The following DNAAF11 variants were observed in gnomAD, a reference collection of about 807,000 sequenced individuals.
DNAAF11 encodes leucine rich repeat containing 6.
A neutral mutation model predicts 60.8 loss-of-function variants in DNAAF11; 45 were observed. The ratio of observed to expected loss-of-function variants is 0.74; its 90% CI spans 0.58 to 0.95. The LOEUF (loss-of-function observed/expected upper bound fraction) is 0.95, where lower values mean the gene tolerates loss of function less well. DNAAF11 is among the 40% of genes least tolerant of loss of function. The pLI is 0.00. For missense variants in DNAAF11, 546 were observed against 546.2 expected (o/e 1.00, Z 0.00); for synonymous variants, 191 against 183.5 (o/e 1.04, Z -0.33).
intron 3 of DNAAF11, among the ~76,000 whole-genome samples, chr8:132,653,658 G>A (rs1823247099): frequency 6.6e-6 from 1 of 152,042 alleles, no homozygotes; most frequent in Non-Finnish European, 1.5e-5. Context: ...AACTATACAG[G>A]AGCAAAGTCT....
the DNAAF11 span, among the ~76,000 whole-genome samples, chr8:132,682,994 A>G: frequency 6.6e-6 from 1 of 152,194 alleles, no homozygotes. Context: ...ATCTGCTCCC[A>G]TAACTCAAAC....
intron 6 of DNAAF11, 150 bp from the exon 7 acceptor site, chr8:132,622,838 A>G: frequency 1.6e-6 from 1 of 611,352 alleles, no homozygotes; most frequent in Non-Finnish European, 2.9e-6. Context: ...CTTGTTCTTA[A>G]GTCCATTCCT....
intron 10 of DNAAF11, among the ~76,000 whole-genome samples, chr8:132,586,639 A>C (rs1212968647): frequency 6.6e-6 from 1 of 152,128 alleles, no homozygotes. Flanking sequence ...ACTCTCATGT[A>C]AGTGTGAGAA....
chr8:132,576,955 C>T (rs1418932474), intron 11 of DNAAF11, among the ~76,000 whole-genome samples: 1 of 152,096 alleles, frequency 6.6e-6, no homozygotes, highest in East Asian at 1.9e-4. Context: ...ACTGATATTT[C>T]GTTTATTATG....
the DNAAF11 span, among the ~76,000 whole-genome samples, chr8:132,697,929 T>A: frequency 6.6e-6 from 1 of 152,150 alleles, no homozygotes; most frequent in African/African-American, 2.4e-5. Flanking sequence ...GGGCCAGTGA[T>A]ACAATAAGAA....
the DNAAF11 span, among the ~76,000 whole-genome samples, chr8:132,697,757 A>G: frequency 5.9e-5 from 9 of 152,166 alleles, no homozygotes; most frequent in Non-Finnish European, 1.2e-4. Context: ...GAGAGATGCT[A>G]AAGTCTTCAA....
chr8:132,661,706 GT>G (rs752683783), intron 1 of DNAAF11, 79 bp from the exon 2 acceptor site: 37 of 1,453,732 alleles, frequency 2.5e-5, no homozygotes, highest in South Asian at 4.6e-5. Flanking sequence ...ACGCATTTGT[GT>G]TTTTTTTGTT....
chr8:132,598,552 A>C (rs1159945635), intron 10 of DNAAF11, among the ~76,000 whole-genome samples: 1 of 152,134 alleles, frequency 6.6e-6, no homozygotes, highest in African/African-American at 2.4e-5. Flanking sequence ...AGCCAATTTT[A>C]TTTTTCTATT....
chr8:132,661,850 G>A (rs371469218), intron 1 of DNAAF11, among the ~76,000 whole-genome samples: 9 of 152,280 alleles, frequency 5.9e-5, no homozygotes, highest in African/African-American at 1.9e-4. Context: ...TGATGATATT[G>A]TATTTGCCTT....
chr8:132,694,097 C>G, the DNAAF11 span, among the ~76,000 whole-genome samples: 1 of 152,138 alleles, frequency 6.6e-6, no homozygotes. Flanking sequence ...GTAAATTAAA[C>G]AAGAGGGGAT....
upstream of DNAAF11, among the ~76,000 whole-genome samples, chr8:132,678,741 A>T (rs1563732104): frequency 6.6e-6 from 1 of 150,574 alleles, no homozygotes; most frequent in Non-Finnish European, 1.5e-5. Flanking sequence ...ATAAAAATAA[A>T]TTTTTATATA....
At chr8:132,613,300 C>T (rs917181572) in intron 8 of DNAAF11, among the ~76,000 whole-genome samples, 3 of 152,068 alleles carry the variant, frequency 2.0e-5, no homozygotes, top group South Asian at 2.1e-4. Flanking sequence ...ATCTGGTGAA[C>T]GGATAAACAA....
chr8:132,607,585 G>A (rs1477904350), intron 10 of DNAAF11, among the ~76,000 whole-genome samples: 1 of 152,164 alleles, frequency 6.6e-6, no homozygotes, highest in African/African-American at 2.4e-5. Flanking sequence ...TAAGAAAAGA[G>A]TAAAATATTA....
At chr8:132,652,926 A>C (rs1228271973) in intron 3 of DNAAF11, among the ~76,000 whole-genome samples, 3 of 152,158 alleles carry the variant, frequency 2.0e-5, no homozygotes, top group Non-Finnish European at 4.4e-5. Flanking sequence ...TGTACCCAGA[A>C]CTTCAAGTAT....
At chr8:132,617,445 G>C (rs368570342) in intron 7 of DNAAF11, among the ~76,000 whole-genome samples, 1 of 152,174 alleles carries the variant, frequency 6.6e-6, no homozygotes, top group East Asian at 1.9e-4. Context: ...TTGGCTCTCT[G>C]TCTGTTGTTG....
At chr8:132,649,464 C>T (rs1822768907) in intron 3 of DNAAF11, among the ~76,000 whole-genome samples, 1 of 152,150 alleles carries the variant, frequency 6.6e-6, no homozygotes. Flanking sequence ...TGGGCAAGGG[C>T]TTTATGACTA....
rs113310051 is a variant in DNAAF11 at position 132,654,564 on chromosome 8, A to G, written c.256+2266T>C. Among the ~76,000 whole-genome samples, 556 of 152,132 alleles carry G rather than the reference A, an allele frequency of 3.7e-3. 3 individuals carry two copies. Among genetic ancestry groups the G allele is most frequent in the African/African-American group, 0.013 (523 of 41,562 alleles). On this transcript the variant is annotated intron_variant, in intron 3 of 11. Transcript: ENST00000620350. ...AATAAGCTTAAAGTAATTAAAATCA[A>G]AGAAAGTATTTCTTTCTTTGACCTC...
intron 11 of DNAAF11, among the ~76,000 whole-genome samples, chr8:132,579,187 G>GCCT (rs1815066761): frequency 6.6e-6 from 1 of 152,140 alleles, no homozygotes; most frequent in African/African-American, 2.4e-5. Flanking sequence ...TACCTCCCAG[G>GCCT]CCTCTAAGGA....
intron 1 of DNAAF11, among the ~76,000 whole-genome samples, chr8:132,669,910 C>T (rs898944137): frequency 1.0e-4 from 14 of 137,714 alleles, no homozygotes; most frequent in Non-Finnish European, 2.0e-4. Flanking sequence ...CACTGCACTC[C>T]AGCCTGGGTG....
Sources: gnomAD v4.1 joint callset for allele counts (sites outside exome capture counted in the v4.1 genomes callset) on GRCh38, gnomAD v4.1.1 for gene constraint, MANE v1.5 for transcripts, NCBI Gene and HGNC (gene_info 2026-07-23, HGNC 2026-07-21) for gene names.